Variants in POLR2F observed in about 807,000 individuals in gnomAD.
POLR2F encodes RNA polymerase II, I and III subunit F.
In POLR2F, 12 loss-of-function variants were observed where a neutral mutation model predicts 22.7. The ratio of observed to expected loss-of-function variants is 0.53; its 90% CI spans 0.34 to 0.86. POLR2F has a LOEUF of 0.86. POLR2F is among the 40% of genes least tolerant of loss of function. POLR2F has a pLI of 0.02. For missense variants in POLR2F, 126 were observed against 171.5 expected (o/e 0.73, Z 1.48); for synonymous variants, 57 against 66.0 (o/e 0.86, Z 0.66).
At chr22:37,954,746 A>G (rs1931298319) in intron 1 of POLR2F, among the ~76,000 whole-genome samples, 1 of 152,190 alleles carries the variant, frequency 6.6e-6, no homozygotes, top group Non-Finnish European at 1.5e-5. Context: ...GTGGGTGCAA[A>G]GAGAGCTAGT....
At chr22:37,995,260 G>A (rs887227079) in intron 1 of POLR2F, among the ~76,000 whole-genome samples, 5 of 152,166 alleles carry the variant, frequency 3.3e-5, no homozygotes, top group Admixed American at 6.5e-5. Flanking sequence ...CCAAGTGCTC[G>A]GGGTTGGACA....
upstream of POLR2F, chr22:37,953,681 A>G (rs1931218972): frequency 1.5e-6 from 2 of 1,376,714 alleles, no homozygotes; most frequent in South Asian, 2.6e-5. Context: ...CCTCTGGGTT[A>G]CGGCGCAGGC....
chr22:38,033,358 C>G (rs1238553324), intron 5 of POLR2F, among the ~76,000 whole-genome samples: 2 of 152,128 alleles, frequency 1.3e-5, no homozygotes, highest in Non-Finnish European at 2.9e-5. Flanking sequence ...TCCAGGGCGG[C>G]CTGCTAGGCT....
At chr22:37,977,413 TG>T (rs1480426460) in intron 4 of POLR2F, among the ~76,000 whole-genome samples, 2 of 150,504 alleles carry the variant, frequency 1.3e-5, no homozygotes, top group East Asian at 4.1e-4. Context: ...CTCCGCCTCC[TG>T]GGTTCACGCC....
chr22:37,998,949 C>T (rs937757809), intron 1 of POLR2F, among the ~76,000 whole-genome samples: 4 of 151,910 alleles, frequency 2.6e-5, no homozygotes, highest in African/African-American at 9.7e-5. Flanking sequence ...TAGGAGGACC[C>T]GCCGCCCCAA....
At chr22:37,992,703 G>C (rs1201093886) in intron 1 of POLR2F, among the ~76,000 whole-genome samples, 1 of 152,112 alleles carries the variant, frequency 6.6e-6, no homozygotes, top group East Asian at 1.9e-4. Flanking sequence ...CCGCCCCCCG[G>C]CTAATTTTTA....
At chr22:38,041,220 G>A, downstream of POLR2F, 4 of 1,499,566 alleles carry the variant, frequency 2.7e-6, no homozygotes, top group South Asian at 1.2e-5. Flanking sequence ...GTGAGGACAC[G>A]GTCTAGACTG....
intron 1 of POLR2F, among the ~76,000 whole-genome samples, chr22:38,012,082 C>CTT (rs1235369974): frequency 1.4e-4 from 19 of 138,468 alleles, no homozygotes; most frequent in South Asian, 4.5e-4. Context: ...TATTTTTATA[C>CTT]TTTTTTTTTT....
upstream of POLR2F, chr22:37,986,186 A>G (rs2145781791): frequency 1.0e-5 from 16 of 1,542,668 alleles, no homozygotes; most frequent in Non-Finnish European, 1.4e-5. This position sits in a 1 kb window ranked among gnomAD's most constrained non-coding sequence, Gnocchi z 4.7. Context: ...CCCGGAGAGG[A>G]GCCGCCCTGG....
intron 1 of POLR2F, chr22:37,987,011 C>T (rs1302087859): frequency 3.3e-5 from 15 of 455,512 alleles, no homozygotes; most frequent in Admixed American, 3.1e-4. Flanking sequence ...GTCCCTTTAC[C>T]CCCTCATTCT....
chr22:38,006,567 A>C (rs1157739203), intron 1 of POLR2F, among the ~76,000 whole-genome samples: 1 of 152,230 alleles, frequency 6.6e-6, no homozygotes, highest in Non-Finnish European at 1.5e-5. Context: ...TGCTCGCACT[A>C]GTCCCCAAGG....
intron 1 of POLR2F, among the ~76,000 whole-genome samples, chr22:38,009,163 A>G (rs1243704707): frequency 6.6e-6 from 1 of 152,198 alleles, no homozygotes; most frequent in Non-Finnish European, 1.5e-5. Context: ...AGAATGAGCG[A>G]GGGGGACAGA....
At chr22:38,031,273 T>C (rs376347703), downstream of POLR2F, among the ~76,000 whole-genome samples, 1 of 152,130 alleles carries the variant, frequency 6.6e-6, no homozygotes, top group African/African-American at 2.4e-5. The surrounding 1 kb of genome is among the most constrained non-coding windows in gnomAD (Gnocchi z 4.1). Context: ...CCACAGAGCC[T>C]GCAGGATGGT....
At chr22:38,013,583 C>CT (rs1462486479) in intron 1 of POLR2F, among the ~76,000 whole-genome samples, 1 of 152,228 alleles carries the variant, frequency 6.6e-6, no homozygotes, top group Non-Finnish European at 1.5e-5. Context: ...AACAAATTTA[C>CT]TAGCTAGCAT....
At chr22:38,018,979 A>G (rs1035560823) in intron 1 of POLR2F, among the ~76,000 whole-genome samples, 1 of 152,194 alleles carries the variant, frequency 6.6e-6, no homozygotes, top group African/African-American at 2.4e-5. Context: ...GATTTCCAGA[A>G]GATCCTGGGG....
At chr22:37,975,726 C>T (rs1002997364) in intron 4 of POLR2F, among the ~76,000 whole-genome samples, 1 of 152,114 alleles carries the variant, frequency 6.6e-6, no homozygotes, top group Non-Finnish European at 1.5e-5. Context: ...GGACAAATCC[C>T]CAGTCTTCTC....
chr22:37,978,075 C>T lies in POLR2F; in HGVS notation c.293+10905C>T, dbSNP rs1932278442. The T allele has an allele frequency of 3.1e-6, 5 of 1,607,554 alleles. No individual in the cohort carries two copies. The highest frequency in any genetic ancestry group is 4.2e-6 in the Non-Finnish European group (5 of 1,177,658). On this transcript the variant is annotated intron_variant, in intron 4 of 4. Transcript: ENST00000405557. The surrounding 1 kb of genome is among the most constrained non-coding windows in gnomAD (Gnocchi z 5.0). ...TGTAGTCCGGGTGGTCTTTCTTGTG[C>T]TGCATACGGAGCCGCTCAGCCTCCT...
upstream of POLR2F, chr22:37,983,249 G>T: frequency 7.7e-7 from 1 of 1,291,976 alleles, no homozygotes; most frequent in Non-Finnish European, 1.1e-6. The surrounding 1 kb of genome is among the most constrained non-coding windows in gnomAD (Gnocchi z 9.5). Context: ...ATCCAAGGAG[G>T]ACTGCCAGAC....
chr22:38,022,765 C>T (rs950247543), intron 1 of POLR2F, among the ~76,000 whole-genome samples: 1 of 151,632 alleles, frequency 6.6e-6, no homozygotes, highest in African/African-American at 2.4e-5. Context: ...GTAATCCCAG[C>T]ACTTTGGGAG....
Sources: allele counts gnomAD v4.1 joint callset (sites outside exome capture counted in the v4.1 genomes callset), GRCh38; gene constraint gnomAD v4.1.1; non-coding constraint Gnocchi (gnomAD v3.1); transcripts MANE v1.5; gene names NCBI Gene and HGNC (gene_info 2026-07-23, HGNC 2026-07-21).